CPEB4: variants seen among roughly 807,000 people sequenced by gnomAD.
CPEB4 encodes the protein cytoplasmic polyadenylation element binding protein 4, also known as cytoplasmic polyadenylation element-binding protein 4.
Under a neutral mutation model 72.5 loss-of-function variants are expected in CPEB4, and 12 were observed. That is an observed-to-expected ratio of 0.17 (90% confidence interval 0.11 to 0.27). The LOEUF is 0.27. CPEB4 is among the 10% of genes least tolerant of loss of function. The probability of loss-of-function intolerance (pLI) is 1.00; values close to 1 mark genes in which losing one functional copy is unlikely to be tolerated. For missense variants in CPEB4, 614 were observed against 908.5 expected (o/e 0.68, Z 4.17); for synonymous variants, 302 against 326.3 (o/e 0.93, Z 0.80).
Position 173,932,478 on chromosome 5 carries a change from C to T in CPEB4, c.1236C>T (p.Ser412=), listed in dbSNP as rs200019841. 104 of 1,612,532 alleles carry T rather than the reference C, an allele frequency of 6.4e-5. No homozygotes were observed. The highest frequency in any genetic ancestry group is 1.7e-4 in the Middle Eastern group (1 of 6,052). The change falls in exon 3 of 10, where the codon TCC becomes TCT. Residue 412 remains serine, a synonymous_variant. Coordinates refer to ENST00000265085, the MANE Select transcript of CPEB4 (RefSeq NM_030627.4). ...KGRLNYSYPG[S]DSSLLINART... is the part of the protein sequence containing the mutation. Reference sequence around the variant, plus strand: ...GTCTAAACTATTCATATCCAGGATCCGATAGCTCTCTGCTTATTAATGGTA... The same window carrying T: ...GTCTAAACTATTCATATCCAGGATCTGATAGCTCTCTGCTTATTAATGGTA...
chr5:173,941,651 T>TC (rs11452755), intron 3 of CPEB4, among the ~76,000 whole-genome samples: 16,411 of 152,010 alleles, frequency 0.11, 1,105 homozygotes, highest in Middle Eastern at 0.21. Context: ...GGTGGGCAGA[T>TC]CACTTGAGAT....
At chr5:173,943,226 A>G (rs1757908799) in intron 4 of CPEB4, among the ~76,000 whole-genome samples, 177 bp downstream of exon 4, 4 of 152,320 alleles carry the variant, frequency 2.6e-5, no homozygotes, top group South Asian at 4.1e-4. Flanking sequence ...TTAAGGAGCT[A>G]TAAAGAAATT....
At chr5:173,905,016 TAA>T (rs201844730) in intron 1 of CPEB4, among the ~76,000 whole-genome samples, 1 of 79,518 alleles carries the variant, frequency 1.3e-5, no homozygotes, top group South Asian at 4.8e-4. Flanking sequence ...ATAATAATAA[TAA>T]AAAAATGTAA....
At chr5:173,926,283 G>A (rs1405538581) in intron 2 of CPEB4, among the ~76,000 whole-genome samples, 1 of 152,180 alleles carries the variant, frequency 6.6e-6, no homozygotes, top group African/African-American at 2.4e-5. Context: ...TACTGCTAAT[G>A]TAAAGGAGGA....
chr5:173,958,895 C>A lies in CPEB4; in HGVS notation c.*2758C>A, dbSNP rs760043986. ...AATTATATATAAGGAAAAAAAATAG[C>A]CTGCCTTGGGACAGGTGTGTAATGT... On this transcript the variant is annotated 3_prime_UTR_variant, in exon 10 of 10. Transcript: ENST00000265085. 6 of 152,590 alleles carry A rather than the reference C, an allele frequency of 3.9e-5. No individual in the cohort carries two copies. The highest frequency in any genetic ancestry group is 5.9e-5 in the Non-Finnish European group (4 of 67,992). 9.5% of individuals were successfully genotyped at this position (152,590 alleles called of 1,614,324 possible).
intron 1 of CPEB4, among the ~76,000 whole-genome samples, chr5:173,902,512 G>A (rs994130418): frequency 2.6e-5 from 4 of 152,108 alleles, no homozygotes; most frequent in African/African-American, 4.8e-5. Flanking sequence ...GTGGTGGGTA[G>A]CATGGGTTAT....
At position 173,961,371 on chromosome 5, in the gene CPEB4, G is replaced by C. The variant is rs971871472; in HGVS notation, c.*5234G>C. On this transcript the variant is annotated 3_prime_UTR_variant, in exon 10 of 10. Transcript: ENST00000265085. ...CCCAAGCATATTTAGTTTATTTTAG[G>C]AAATGTTTATTTCAGGTAAGTGAGA... is the stretch of plus-strand genomic sequence containing the variant. 1 of 152,154 alleles carries C rather than the reference G, an allele frequency of 6.6e-6. No individual in the cohort carries two copies. Among genetic ancestry groups the C allele is most frequent in the African/African-American group, 2.4e-5 (1 of 41,434 alleles). 9.4% of individuals were successfully genotyped at this position (152,154 alleles called of 1,614,324 possible). A position where few individuals can be genotyped will look rare whatever the true frequency, so the allele number is the denominator to read the frequency against.
chr5:173,893,874 A>T (rs1755906058), intron 1 of CPEB4, among the ~76,000 whole-genome samples: 1 of 152,236 alleles, frequency 6.6e-6, no homozygotes, highest in South Asian at 2.1e-4. Flanking sequence ...CCAATAACTG[A>T]TAGGGGAAGA....
Position 173,889,560 on chromosome 5 carries a change from C to A in CPEB4, c.-174C>A. ...AAGAGTTGTTTTTTCTTTCAGAGACCAGAATTCCAAATCAGAACAATTTAA... is the reference window on the plus strand; with the variant it reads ...AAGAGTTGTTTTTTCTTTCAGAGACAAGAATTCCAAATCAGAACAATTTAA... On this transcript the variant is annotated 5_prime_UTR_variant, in exon 1 of 10. Transcript: ENST00000265085. 2 of 509,624 alleles carry A rather than the reference C, an allele frequency of 3.9e-6. No homozygotes were observed. Among genetic ancestry groups the A allele is most frequent in the South Asian group, 4.2e-5 (1 of 23,628 alleles). 31.6% of individuals were successfully genotyped at this position (509,624 alleles called of 1,614,324 possible).
intron 3 of CPEB4, among the ~76,000 whole-genome samples, chr5:173,942,662 TAGC>T (rs1321325873): frequency 6.6e-6 from 1 of 152,228 alleles, no homozygotes; most frequent in Non-Finnish European, 1.5e-5. Flanking sequence ...AATTGCTAGT[TAGC>T]AGGGAATTCT....
At chr5:173,931,334 C>T (rs7705507) in intron 2 of CPEB4, among the ~76,000 whole-genome samples, 34,773 of 152,114 alleles carry the variant, frequency 0.23, 5,038 homozygotes, top group Non-Finnish European at 0.31. Flanking sequence ...TCTGTTTATC[C>T]GTTATTCCTT....
At chr5:173,891,647 A>G (rs1344258837) in intron 1 of CPEB4, 1 of 152,170 alleles carries the variant, frequency 6.6e-6, no homozygotes, top group Non-Finnish European at 1.5e-5. Flanking sequence ...CTTTCTTGCT[A>G]CCAGAATATC....
At position 173,942,883 on chromosome 5, in the gene CPEB4, G is replaced by A. The variant is rs532669208; in HGVS notation, c.1259-143G>A. 527 of 767,146 alleles carry A rather than the reference G, an allele frequency of 6.9e-4. 3 individuals are homozygous for A. Among genetic ancestry groups the A allele is most frequent in the Non-Finnish European group, 5.4e-4 (275 of 508,330 alleles). The allele number at this position is 767,146 out of a possible 1,614,324, so 47.5% of individuals were successfully genotyped here. A position where few individuals can be genotyped will look rare whatever the true frequency, so the allele number is the denominator to read the frequency against. ...TTACCTCCCGTTCCTTGTTTTTTTA[G>A]ACATTTACCAGGAAATGAAGAATAT... On this transcript the variant is annotated intron_variant, in intron 3 of 9. Coordinates refer to ENST00000265085, the MANE Select transcript of CPEB4 (RefSeq NM_030627.4).
At chr5:173,930,929 T>G (rs1581147205) in intron 2 of CPEB4, among the ~76,000 whole-genome samples, 1 of 150,176 alleles carries the variant, frequency 6.7e-6, no homozygotes, top group Admixed American at 6.7e-5. Context: ...AGACGGAGCT[T>G]GCAGTGACCC....
intron 3 of CPEB4, among the ~76,000 whole-genome samples, 154 bp downstream of exon 3, chr5:173,932,654 C>A (rs944718996): frequency 2.0e-5 from 3 of 152,164 alleles, no homozygotes; most frequent in African/African-American, 7.2e-5. Context: ...TTTTAGCTCA[C>A]AATTGTGGCA....
At chr5:173,943,088 T>C in intron 4 of CPEB4, 39 bp downstream of exon 4, 2 of 1,602,342 alleles carry the variant, frequency 1.2e-6, no homozygotes, top group East Asian at 2.2e-5. Context: ...TCACTTGTAT[T>C]TGGAGACGAC....
intron 2 of CPEB4, among the ~76,000 whole-genome samples, chr5:173,928,080 T>C (rs1302548143): frequency 1.3e-5 from 2 of 152,086 alleles, no homozygotes; most frequent in African/African-American, 4.8e-5. Flanking sequence ...TCCAACTGTA[T>C]GATAGTCTGG....
intron 5 of CPEB4, among the ~76,000 whole-genome samples, chr5:173,948,190 T>A (rs1758095758): frequency 6.6e-6 from 1 of 152,154 alleles, no homozygotes; most frequent in Non-Finnish European, 1.5e-5. Flanking sequence ...GAAGGAATGA[T>A]GGAAACAGAT....
At chr5:173,908,320 G>A (rs561821110) in intron 1 of CPEB4, among the ~76,000 whole-genome samples, 33 of 152,250 alleles carry the variant, frequency 2.2e-4, no homozygotes, top group South Asian at 8.3e-4. Flanking sequence ...GAAAGAATCC[G>A]GTGGAAGAGG....
Sources: gnomAD v4.1 joint callset for allele counts (sites outside exome capture counted in the v4.1 genomes callset) on GRCh38, gnomAD v4.1.1 for gene constraint, MANE v1.5 for transcripts, NCBI Gene and HGNC (gene_info 2026-07-23, HGNC 2026-07-21) for gene names.